The following GBP7 variants were observed in gnomAD, a reference collection of about 807,000 sequenced individuals.
GBP7 encodes the protein guanylate-binding protein 7.
In GBP7, 43 loss-of-function variants were observed where a neutral mutation model predicts 61.3. The observed-to-expected ratio is 0.70, with a 90% CI of 0.55 to 0.91. GBP7 has a LOEUF of 0.91. Among genes scored for constraint, GBP7 ranks in the 40% least tolerant of loss-of-function variants. The pLI is 0.00. For synonymous variants in GBP7, 267 were observed against 271.0 expected, an observed-to-expected ratio of 0.99 and a Z score of 0.14; for missense variants, 717 against 740.5, an observed-to-expected ratio of 0.97 and a Z score of 0.37.
At chr1:89,162,063 G>C (rs1253901712) in intron 3 of GBP7, among the ~76,000 whole-genome samples, 1 of 130,714 alleles carries the variant, frequency 7.7e-6, no homozygotes, top group Non-Finnish European at 1.6e-5. Context: ...TTTCAGGTTT[G>C]TCAAAGATCA....
intron 7 of GBP7, among the ~76,000 whole-genome samples, chr1:89,148,209 A>G (rs930423490): frequency 1.3e-5 from 2 of 152,342 alleles, no homozygotes; most frequent in Admixed American, 6.5e-5. Context: ...TAAAATGTGA[A>G]GATATGGGAA....
chr1:89,133,521 T>C, intron 9 of GBP7, 70 bp from the exon 10 acceptor site: 1 of 1,298,592 alleles, frequency 7.7e-7, no homozygotes, highest in South Asian at 1.3e-5. Context: ...CATGGCTAAG[T>C]AGATGGAGTC....
chr1:89,173,912 C>T (rs540426219), intron 1 of GBP7, among the ~76,000 whole-genome samples: 1 of 152,290 alleles, frequency 6.6e-6, no homozygotes, highest in South Asian at 2.1e-4. Context: ...CACATTCCCA[C>T]CCATCCTCCA....
intron 1 of GBP7, among the ~76,000 whole-genome samples, chr1:89,175,399 T>A (rs1055473413): frequency 5.3e-5 from 8 of 152,202 alleles, no homozygotes; most frequent in African/African-American, 1.9e-4. Flanking sequence ...AGATTGGGTA[T>A]CTATGGAAGA....
chr1:89,145,690 A>G (rs552785526), intron 8 of GBP7, among the ~76,000 whole-genome samples: 1 of 152,320 alleles, frequency 6.6e-6, no homozygotes, highest in African/African-American at 2.4e-5. Context: ...AGAACAAACT[A>G]TATGAAAAAA....
chr1:89,141,148 C>T (rs1250451061), intron 9 of GBP7, among the ~76,000 whole-genome samples: 1 of 148,634 alleles, frequency 6.7e-6, no homozygotes, highest in Non-Finnish European at 1.5e-5. Context: ...TCCCATGACA[C>T]AATTTACCCA....
chr1:89,153,207 A>G (rs1682243526), intron 3 of GBP7, among the ~76,000 whole-genome samples: 1 of 152,234 alleles, frequency 6.6e-6, no homozygotes, highest in Non-Finnish European at 1.5e-5. Flanking sequence ...AGCACATTAC[A>G]GATAGGACTT....
chr1:89,152,826 C>G (rs761789398), intron 3 of GBP7, 49 bp from the exon 4 acceptor site: 1 of 1,446,614 alleles, frequency 6.9e-7, no homozygotes, highest in African/African-American at 1.4e-5. Flanking sequence ...AGTTTAGATA[C>G]ATCTCAAGGT....
intron 1 of GBP7, among the ~76,000 whole-genome samples, chr1:89,173,011 A>G (rs1266333196): frequency 6.6e-6 from 1 of 152,102 alleles, no homozygotes. Context: ...CTGTTACTCA[A>G]CTTGTCCTAG....
At chr1:89,144,665 A>G (rs1488001864) in intron 8 of GBP7, among the ~76,000 whole-genome samples, 1 of 152,192 alleles carries the variant, frequency 6.6e-6, no homozygotes, top group East Asian at 1.9e-4. Context: ...TGATACATGT[A>G]TACATTGTGA....
chr1:89,135,947 C>T (rs115914257), intron 9 of GBP7, among the ~76,000 whole-genome samples: 2,956 of 152,050 alleles, frequency 0.019, 89 homozygotes, highest in African/African-American at 0.067. Flanking sequence ...CCAATAGGCT[C>T]AAAGTAAAGG....
intron 3 of GBP7, among the ~76,000 whole-genome samples, chr1:89,156,121 A>T (rs1682310872): frequency 6.6e-6 from 1 of 152,234 alleles, no homozygotes; most frequent in African/African-American, 2.4e-5. Flanking sequence ...TAAGTGAAGG[A>T]TAAATAAAAT....
intron 3 of GBP7, 82 bp from the exon 4 acceptor site, chr1:89,152,859 C>A: frequency 1.8e-6 from 2 of 1,092,104 alleles, no homozygotes; most frequent in Non-Finnish European, 2.6e-6. Context: ...TCCATGTAAC[C>A]AAAACTGAAG....
intron 5 of GBP7, among the ~76,000 whole-genome samples, chr1:89,151,049 CT>C (rs1384971067): frequency 2.6e-5 from 4 of 151,964 alleles, no homozygotes; most frequent in African/African-American, 9.7e-5. Context: ...CTTTTCTTCC[CT>C]TTTTTTGTGG....
chr1:89,152,779 T>G lies in GBP7; in HGVS notation c.319-2A>C. Reference sequence around the variant, plus strand: ...CCACGAGTCACTCTTAGGGTCACTCTAGTGTTAAAGAAAAAAAAAAAAAAA... The same window carrying G: ...CCACGAGTCACTCTTAGGGTCACTCGAGTGTTAAAGAAAAAAAAAAAAAAA... On this transcript the variant is annotated splice_acceptor_variant, in intron 3 of 10. Coordinates refer to ENST00000294671, the MANE Select transcript of GBP7 (RefSeq NM_207398.3). LOFTEE classifies it high-confidence loss of function. The G allele has an allele frequency of 6.5e-7, 1 of 1,531,254 alleles. No individual in the cohort carries two copies. The highest frequency in any genetic ancestry group is 8.7e-7 in the Non-Finnish European group (1 of 1,145,564). 94.9% of individuals were successfully genotyped at this position (1,531,254 alleles called of 1,614,324 possible).
chr1:89,162,435 T>C (rs774406087), intron 3 of GBP7, among the ~76,000 whole-genome samples: 2 of 152,224 alleles, frequency 1.3e-5, no homozygotes, highest in Non-Finnish European at 2.9e-5. Context: ...CATTTATTTG[T>C]GTCATCTCTG....
chr1:89,150,289 A>T, intron 6 of GBP7, 41 bp downstream of exon 6: 1 of 1,579,220 alleles, frequency 6.3e-7, no homozygotes, highest in Non-Finnish European at 8.7e-7. Flanking sequence ...TTTGAGATAC[A>T]GTAGGCCTCA....
chr1:89,134,255 C>G (rs542345830), intron 9 of GBP7, among the ~76,000 whole-genome samples: 1 of 152,196 alleles, frequency 6.6e-6, no homozygotes, highest in African/African-American at 2.4e-5. Flanking sequence ...GGCACACACT[C>G]GCTTGCAGCC....
At chr1:89,144,035 C>T (rs1372009457) in intron 8 of GBP7, among the ~76,000 whole-genome samples, 1 of 152,204 alleles carries the variant, frequency 6.6e-6, no homozygotes. Context: ...TCCCTGCCTC[C>T]TCCCTCTTGT....
Sources: allele counts gnomAD v4.1 joint callset (sites outside exome capture counted in the v4.1 genomes callset), GRCh38; gene constraint gnomAD v4.1.1; transcripts MANE v1.5; gene names NCBI Gene and HGNC (gene_info 2026-07-23, HGNC 2026-07-21).